The following NUCKS1 variants were observed in gnomAD, a reference collection of about 807,000 sequenced individuals.
NUCKS1 encodes the protein nuclear ubiquitous casein and cyclin-dependent kinase substrate 1.
Under a neutral mutation model 33.0 loss-of-function variants are expected in NUCKS1, and 2 were observed. The observed-to-expected ratio is 0.06, with a 90% CI of 0.02 to 0.19. The LOEUF (loss-of-function observed/expected upper bound fraction) is 0.19. Ranked by LOEUF, NUCKS1 falls within the 10% of genes least tolerant of loss-of-function variation. NUCKS1 has a pLI of 1.00. For synonymous variants in NUCKS1, 106 were observed against 102.8 expected (o/e 1.03, Z -0.19); for missense variants, 201 against 293.6 (o/e 0.68, Z 2.31).
chr1:205,730,326 C>A (rs888845217), intron 1 of NUCKS1, among the ~76,000 whole-genome samples: 1 of 152,052 alleles, frequency 6.6e-6, no homozygotes, highest in South Asian at 2.1e-4. Context: ...GGATTACAGG[C>A]ACGAGCCACT....
At chr1:205,718,936 A>C (rs994462785) in intron 6 of NUCKS1, among the ~76,000 whole-genome samples, 8 of 152,254 alleles carry the variant, frequency 5.3e-5, no homozygotes, top group African/African-American at 1.9e-4. Flanking sequence ...GAAGTGATAA[A>C]CAGAAGTTTA....
intron 5 of NUCKS1, among the ~76,000 whole-genome samples, chr1:205,720,245 T>C (rs1671896991): frequency 6.6e-6 from 1 of 152,194 alleles, no homozygotes; most frequent in African/African-American, 2.4e-5. Flanking sequence ...TTAAGCAAAT[T>C]GTTCATTCAG....
intron 1 of NUCKS1, among the ~76,000 whole-genome samples, chr1:205,739,997 G>GTTTTTTTTTTTT (rs60866378): frequency 4.9e-5 from 4 of 81,764 alleles, no homozygotes; most frequent in Non-Finnish European, 6.6e-5. Context: ...TTTACTTTAG[G>GTTTTTTTTTTTT]TTTTTTTTTT....
At position 205,716,425 on chromosome 1, in the gene NUCKS1, ATAGAT is replaced by A. The variant is rs1192443514; in HGVS notation, c.*1850_*1854del. ...TACCTGAACAAACCCATTTAGGCAA[ATAGAT>A]TAATCTTTAACACCCTCATTACAAA... On this transcript the variant is annotated 3_prime_UTR_variant, in exon 7 of 7. Coordinates refer to ENST00000367142, the MANE Select transcript of NUCKS1 (RefSeq NM_022731.5). 3.3e-5 allele frequency: 5 copies of A among 152,230 alleles called. No homozygotes were observed. Among genetic ancestry groups the A allele is most frequent in the Admixed American group, 6.5e-5 (1 of 15,276 alleles). The allele number at this position is 152,230 out of a possible 1,614,324, so 9.4% of individuals were successfully genotyped here.
At chr1:205,748,307 A>C (rs1205523904) in intron 1 of NUCKS1, among the ~76,000 whole-genome samples, 1 of 152,254 alleles carries the variant, frequency 6.6e-6, no homozygotes, top group African/African-American at 2.4e-5. Flanking sequence ...ACTAAAATTT[A>C]AAAGGTAGAG....
At chr1:205,737,497 T>TAA (rs1654061149) in intron 1 of NUCKS1, among the ~76,000 whole-genome samples, 3 of 152,236 alleles carry the variant, frequency 2.0e-5, no homozygotes, top group Non-Finnish European at 4.4e-5. Context: ...AACAATCTAT[T>TAA]TATTTGTCAG....
intron 1 of NUCKS1, among the ~76,000 whole-genome samples, chr1:205,737,861 T>A (rs1386783943): frequency 6.6e-6 from 1 of 152,198 alleles, no homozygotes; most frequent in Non-Finnish European, 1.5e-5. Context: ...ACCTGTGTTG[T>A]CAAAATAGGT....
chr1:205,742,809 A>C (rs1269477921), intron 1 of NUCKS1, among the ~76,000 whole-genome samples: 2 of 152,200 alleles, frequency 1.3e-5, no homozygotes, highest in Non-Finnish European at 2.9e-5. Flanking sequence ...TGGAGGACAG[A>C]GCGAGACTCG....
Position 205,713,093 on chromosome 1 carries a change from G to A in NUCKS1, c.*5187C>T, listed in dbSNP as rs1046319617. The A allele has an allele frequency of 6.6e-6, 1 of 152,138 alleles. No homozygotes were observed. Among genetic ancestry groups the A allele is most frequent in the African/African-American group, 2.4e-5 (1 of 41,432 alleles). The allele number at this position is 152,138 out of a possible 1,614,324, so 9.4% of individuals were successfully genotyped here. On this transcript the variant is annotated 3_prime_UTR_variant, in exon 7 of 7. Transcript: ENST00000367142. ...TCTAAATAATTTATTAGGGAAATAA[G>A]TTCCCACAAAGTCAGGCTGAACTGG...
rs1047910704 is a variant in NUCKS1, at chr1:205,714,283, A to G, written c.*3997T>C. 4.6e-5 allele frequency: 7 copies of G among 152,062 alleles called. No homozygotes were observed. Among genetic ancestry groups the G allele is most frequent in the African/African-American group, 1.4e-4 (6 of 41,402 alleles). 9.4% of individuals were successfully genotyped at this position (152,062 alleles called of 1,614,324 possible). A position where few individuals can be genotyped will look rare whatever the true frequency, so the allele number is the denominator to read the frequency against. On this transcript the variant is annotated 3_prime_UTR_variant, in exon 7 of 7. Coordinates refer to ENST00000367142, the MANE Select transcript of NUCKS1 (RefSeq NM_022731.5). The stretch of plus-strand genomic sequence containing the variant: ...AAAAAAGGAACAACAAAAAAATCCC[A>G]ATTTTACCCTCCCCCAATAATCTAG...
chr1:205,748,631 A>G (rs905024312), intron 1 of NUCKS1, among the ~76,000 whole-genome samples: 1 of 152,180 alleles, frequency 6.6e-6, no homozygotes, highest in African/African-American at 2.4e-5. Flanking sequence ...CCCCGTGTGT[A>G]GGAGTACGCA....
At chr1:205,745,673 G>GA (rs1654303217) in intron 1 of NUCKS1, among the ~76,000 whole-genome samples, 2 of 152,056 alleles carry the variant, frequency 1.3e-5, no homozygotes, top group African/African-American at 4.8e-5. Flanking sequence ...TACTAGGCAA[G>GA]AAAGATTAGT....
Position 205,714,842 on chromosome 1 carries a change from T to C in NUCKS1, c.*3438A>G, listed in dbSNP as rs983762254. 2.0e-5 allele frequency: 3 copies of C among 152,186 alleles called. No individual in the cohort carries two copies. Among genetic ancestry groups the C allele is most frequent in the Admixed American group, 1.3e-4 (2 of 15,262 alleles). The allele number at this position is 152,186 out of a possible 1,614,324, so 9.4% of individuals were successfully genotyped here. On this transcript the variant is annotated 3_prime_UTR_variant, in exon 7 of 7. Transcript: ENST00000367142. ...TTTTCAAATTCTTAAGGTGAAAGTT[T>C]TTTCCTTTCAGTGCAGCTACCAATG...
Position 205,750,036 on chromosome 1 carries a change from G to T in NUCKS1, c.-63C>A. The T allele has an allele frequency of 8.1e-7, 1 of 1,233,600 alleles. No homozygotes were observed. 76.4% of individuals were successfully genotyped at this position (1,233,600 alleles called of 1,614,324 possible). A position where few individuals can be genotyped will look rare whatever the true frequency, so the allele number is the denominator to read the frequency against. ...GACCAGGACCCCCCCCACCCCGCGCGCTCGGCGCCCCACCCCCCCCGAACT... is the reference window on the plus strand; with the variant it reads ...GACCAGGACCCCCCCCACCCCGCGCTCTCGGCGCCCCACCCCCCCCGAACT... On this transcript the variant is annotated 5_prime_UTR_variant, in exon 1 of 7. Transcript: ENST00000367142.
At position 205,739,599 on chromosome 1, in the gene NUCKS1, C is replaced by T. The variant is rs562830754; in HGVS notation, c.18-9978G>A. Among the ~76,000 whole-genome samples the T allele has an allele frequency of 8.5e-5, 13 of 152,188 alleles. 1 individual carries two copies. Among genetic ancestry groups the T allele is most frequent in the Middle Eastern group, 3.4e-3 (1 of 294 alleles). On this transcript the variant is annotated intron_variant, in intron 1 of 6. Coordinates refer to ENST00000367142, the MANE Select transcript of NUCKS1 (RefSeq NM_022731.5). ...GCGATCTTCCCACCTCAGCCCCTACCCCAGTAGCTGGGACTACAGGCACTG... is the reference window on the plus strand; with the variant it reads ...GCGATCTTCCCACCTCAGCCCCTACTCCAGTAGCTGGGACTACAGGCACTG...
chr1:205,731,975 T>C (rs755880257), intron 1 of NUCKS1, among the ~76,000 whole-genome samples: 1 of 152,068 alleles, frequency 6.6e-6, no homozygotes, highest in African/African-American at 2.4e-5. Flanking sequence ...CTTGGCTGTA[T>C]AGATTAAGAC....
intron 1 of NUCKS1, among the ~76,000 whole-genome samples, chr1:205,742,878 A>G (rs780972459): frequency 6.6e-5 from 10 of 152,190 alleles, no homozygotes; most frequent in Non-Finnish European, 1.3e-4. Flanking sequence ...GTTTCCTCCT[A>G]TTGTCCACAA....
intron 2 of NUCKS1, 46 bp from the exon 3 acceptor site, chr1:205,727,851 T>G (rs762692099): frequency 2.0e-5 from 25 of 1,219,738 alleles, no homozygotes; most frequent in Non-Finnish European, 3.0e-5. Flanking sequence ...TTTTACATGT[T>G]AAAATCACCA....
In NUCKS1 at chr1:205,749,994, C is replaced by G. The variant is rs1028992418; in HGVS notation, c.-21G>C. ...GACATGTTCGCTGTCGAAACAGGACCGAGTCGAGAAGCCAAAGACCAGGAC... is the reference window on the plus strand; with the variant it reads ...GACATGTTCGCTGTCGAAACAGGACGGAGTCGAGAAGCCAAAGACCAGGAC... On this transcript the variant is annotated 5_prime_UTR_variant, in exon 1 of 7. Coordinates refer to ENST00000367142, the MANE Select transcript of NUCKS1 (RefSeq NM_022731.5). 29 of 1,598,808 alleles carry G rather than the reference C, an allele frequency of 1.8e-5. No homozygotes were observed. Among genetic ancestry groups the G allele is most frequent in the Non-Finnish European group, 2.3e-5 (27 of 1,171,370 alleles).
Sources: gnomAD v4.1 joint callset for allele counts (sites outside exome capture counted in the v4.1 genomes callset) on GRCh38, gnomAD v4.1.1 for gene constraint, MANE v1.5 for transcripts, NCBI Gene and HGNC (gene_info 2026-07-23, HGNC 2026-07-21) for gene names.